Variants in RALYL observed in about 807,000 individuals in gnomAD.
The protein encoded by RALYL is RALY RNA binding protein like, also known as RNA-binding Raly-like protein.
In RALYL, 29 loss-of-function variants were observed where a neutral mutation model predicts 35.1. The observed-to-expected ratio is 0.83, with a 90% CI of 0.61 to 1.13. The LOEUF (loss-of-function observed/expected upper bound fraction) is 1.13. Among genes scored for constraint, RALYL ranks in the 50% most tolerant of loss-of-function variants. The pLI is 0.00. For missense variants in RALYL, 359 were observed against 360.4 expected, an observed-to-expected ratio of 1.00 and a Z score of 0.03; for synonymous variants, 120 against 127.6, an observed-to-expected ratio of 0.94 and a Z score of 0.40.
At chr8:84,445,658 AATTAT>A (rs554994214) in intron 1 of RALYL, among the ~76,000 whole-genome samples, 13 of 151,538 alleles carry the variant, frequency 8.6e-5, no homozygotes, top group Admixed American at 1.3e-4. Flanking sequence ...ATCAATAATG[AATTAT>A]ATTATAACAT....
rs551742584 is a variant in RALYL, at chr8:84,536,397, A to C, written c.256+6820A>C. On this transcript the variant is annotated intron_variant, in intron 2 of 8. Coordinates refer to ENST00000521268, the MANE Select transcript of RALYL (RefSeq NM_173848.7). ...AGTATCCCTAGTTGATGTTGTCTCTAACAAATACATTAGTTTTACCAAGCA... is the reference window on the plus strand; with the variant it reads ...AGTATCCCTAGTTGATGTTGTCTCTCACAAATACATTAGTTTTACCAAGCA... 3.3e-5 allele frequency among the ~76,000 whole-genome samples: 5 copies of C among 152,334 alleles called. No individual in the cohort carries two copies. The East Asian group carries it at 9.6e-4, about 29-fold the overall frequency.
chr8:84,559,020 T>C (rs2061316445), intron 2 of RALYL, among the ~76,000 whole-genome samples: 1 of 152,106 alleles, frequency 6.6e-6, no homozygotes, highest in Non-Finnish European at 1.5e-5. Flanking sequence ...CATCATGTTT[T>C]TTCTGAAAAA....
intron 2 of RALYL, among the ~76,000 whole-genome samples, chr8:84,587,733 T>G (rs533485349): frequency 1.1e-4 from 17 of 152,220 alleles, no homozygotes; most frequent in Non-Finnish European, 2.4e-4. Flanking sequence ...AAAGAGCTGT[T>G]GAATGAGACT....
At chr8:84,803,611 G>A (rs747649483) in intron 3 of RALYL, among the ~76,000 whole-genome samples, 5 of 152,166 alleles carry the variant, frequency 3.3e-5, no homozygotes, top group African/African-American at 1.2e-4. Context: ...ACCTAGAGCT[G>A]TCCAAAGGGA....
At chr8:84,223,317 A>C (rs1822983709) in intron 1 of RALYL, among the ~76,000 whole-genome samples, 1 of 149,330 alleles carries the variant, frequency 6.7e-6, no homozygotes. Flanking sequence ...AATGGGTTAT[A>C]TTGGGAGGGT....
chr8:84,354,780 T>C (rs1851516093), intron 1 of RALYL, among the ~76,000 whole-genome samples: 1 of 150,266 alleles, frequency 6.7e-6, no homozygotes, highest in African/African-American at 2.5e-5. Context: ...TGTCTATTTA[T>C]ACTTTGGGAT....
intron 2 of RALYL, among the ~76,000 whole-genome samples, chr8:84,717,627 T>C (rs910840100): frequency 1.3e-5 from 2 of 152,216 alleles, no homozygotes. Flanking sequence ...ATTTTAAAAA[T>C]ACATGTTTTA....
At chr8:84,920,713 G>A (rs78825142) in intron 8 of RALYL, among the ~76,000 whole-genome samples, 181 bp from the exon 9 acceptor site, 1,829 of 151,998 alleles carry the variant, frequency 0.012, 39 homozygotes, top group African/African-American at 0.042. Flanking sequence ...AATAATTATA[G>A]ATTTGCCTAC....
At chr8:84,322,130 A>G (rs1161318224) in intron 1 of RALYL, among the ~76,000 whole-genome samples, 4 of 152,116 alleles carry the variant, frequency 2.6e-5, no homozygotes, top group Non-Finnish European at 1.5e-5. Flanking sequence ...ACAAAAACTC[A>G]TTAGCAATAT....
chr8:84,851,375 A>G (rs1254271261), intron 5 of RALYL, among the ~76,000 whole-genome samples: 2 of 152,214 alleles, frequency 1.3e-5, no homozygotes, highest in Non-Finnish European at 1.5e-5. Flanking sequence ...TATATGTTGT[A>G]GTAACTAAAA....
intron 1 of RALYL, among the ~76,000 whole-genome samples, chr8:84,406,894 G>A (rs572216880): frequency 6.6e-6 from 1 of 152,030 alleles, no homozygotes; most frequent in East Asian, 1.9e-4. Flanking sequence ...TGCAGACATA[G>A]GCAGAATAAT....
At chr8:84,434,873 T>C (rs556538896) in intron 1 of RALYL, among the ~76,000 whole-genome samples, 84 of 152,264 alleles carry the variant, frequency 5.5e-4, no homozygotes, top group South Asian at 2.1e-3. Flanking sequence ...CTGAATAATA[T>C]GCTTGATCAA....
intron 1 of RALYL, among the ~76,000 whole-genome samples, chr8:84,377,067 G>A (rs573482354): frequency 2.0e-5 from 3 of 151,884 alleles, no homozygotes; most frequent in Admixed American, 6.6e-5. Flanking sequence ...ATAAAATTGT[G>A]GCTGGTACTG....
At chr8:84,559,370 T>C (rs560320883) in intron 2 of RALYL, among the ~76,000 whole-genome samples, 4 of 152,072 alleles carry the variant, frequency 2.6e-5, no homozygotes, top group Non-Finnish European at 4.4e-5. Context: ...TATTCTCTTA[T>C]TCAACCACAA....
chr8:84,494,949 CGA>C lies in RALYL; in HGVS notation c.-23-34344_-23-34343del, dbSNP rs748930791. The stretch of plus-strand genomic sequence containing the variant: ...TCAATACTATGTTGAATAGGAGTGG[CGA>C]GAGAGGGCATCCTTGTCTTGTACCG... On this transcript the variant is annotated intron_variant, in intron 1 of 8. Transcript: ENST00000521268. Among the ~76,000 whole-genome samples the C allele has an allele frequency of 1.4e-4, 21 of 152,004 alleles. 2 individuals carry two copies. The South Asian group carries it at 3.9e-3, about 29-fold the overall frequency.
chr8:84,713,348 A>T (rs751602901), intron 2 of RALYL, among the ~76,000 whole-genome samples: 6 of 152,040 alleles, frequency 3.9e-5, no homozygotes, highest in Non-Finnish European at 7.4e-5. Context: ...ATTAATCATA[A>T]CTCAAACAGC....
At chr8:84,567,946 C>G (rs937658511) in intron 2 of RALYL, among the ~76,000 whole-genome samples, 1 of 151,474 alleles carries the variant, frequency 6.6e-6, no homozygotes, top group Non-Finnish European at 1.5e-5. Context: ...ATTTGTCTCT[C>G]TCTGGTTAAA....
intron 4 of RALYL, among the ~76,000 whole-genome samples, chr8:84,825,890 A>G (rs1721914903): frequency 6.6e-6 from 1 of 152,124 alleles, no homozygotes; most frequent in South Asian, 2.1e-4. Context: ...TAGCAAAGAC[A>G]TAGCATCAAC....
At chr8:84,575,503 G>T (rs1407322005) in intron 2 of RALYL, among the ~76,000 whole-genome samples, 1 of 152,160 alleles carries the variant, frequency 6.6e-6, no homozygotes, top group Non-Finnish European at 1.5e-5. Flanking sequence ...AGCATGGAAA[G>T]TGTTCTTCCT....
Sources: allele counts gnomAD v4.1 joint callset (sites outside exome capture counted in the v4.1 genomes callset), GRCh38; gene constraint gnomAD v4.1.1; transcripts MANE v1.5; gene names NCBI Gene and HGNC (gene_info 2026-07-23, HGNC 2026-07-21).